CPLANE1: variants seen among roughly 807,000 people sequenced by gnomAD.
CPLANE1 encodes ciliogenesis and planar polarity effector 1.
In CPLANE1, 263 loss-of-function variants were observed where a neutral mutation model predicts 362.5. The ratio of observed to expected loss-of-function variants is 0.73; its 90% CI spans 0.66 to 0.80. The LOEUF is 0.80. Ranked by LOEUF, CPLANE1 falls within the 30% of genes least tolerant of loss-of-function variation. The pLI, the probability that CPLANE1 is intolerant of heterozygous loss-of-function variation, is 0.00. For synonymous variants in CPLANE1, 1,212 were observed against 1,302.6 expected, an observed-to-expected ratio of 0.93 and a Z score of 1.50; for missense variants, 3,461 against 3,793.4, an observed-to-expected ratio of 0.91 and a Z score of 2.30.
chr5:37,117,674 C>T (rs992589013), intron 50 of CPLANE1, among the ~76,000 whole-genome samples: 1 of 152,118 alleles, frequency 6.6e-6, no homozygotes, highest in East Asian at 1.9e-4. Flanking sequence ...CAGGAAAACA[C>T]ACAGATGATG....
chr5:37,088,023 C>T, the CPLANE1 span, among the ~76,000 whole-genome samples: 1 of 152,162 alleles, frequency 6.6e-6, no homozygotes, highest in Non-Finnish European at 1.5e-5. Flanking sequence ...AGGGAGGGGT[C>T]CTCATGCCAA....
At position 37,106,840 on chromosome 5, in the gene CPLANE1, T is replaced by C; in HGVS notation, c.*762A>G. 1 of 983,058 alleles carries C rather than the reference T, an allele frequency of 1.0e-6. No individual in the cohort carries two copies. The highest frequency in any genetic ancestry group is 4.7e-5 in the South Asian group (1 of 21,228). The allele number at this position is 983,058 out of a possible 1,614,324, so 60.9% of individuals were successfully genotyped here. A position where few individuals can be genotyped will look rare whatever the true frequency, so the allele number is the denominator to read the frequency against. ...TGAAGTAGTTGAAGGATACTGGTTC[T>C]TAGTCAATTCTCATAAAAATTATCT... On this transcript the variant is annotated 3_prime_UTR_variant, in exon 53 of 53. Transcript: ENST00000651892.
chr5:37,225,681 G>A lies in CPLANE1; in HGVS notation c.2291+623C>T, dbSNP rs1478423141. ...AGCCTGGCCAACATGGTGAAACCCC[G>A]TCTCTACTAAAAATACAAAAATTAG... On this transcript the variant is annotated intron_variant, in intron 12 of 52. Transcript: ENST00000651892. 2.6e-5 allele frequency among the ~76,000 whole-genome samples: 4 copies of A among 151,744 alleles called. No individual in the cohort carries two copies. In the East Asian group the frequency reaches 5.8e-4, roughly 22 times the overall value.
intron 42 of CPLANE1, 98 bp downstream of exon 42, chr5:37,153,642 T>C: frequency 8.0e-7 from 1 of 1,255,560 alleles, no homozygotes; most frequent in Non-Finnish European, 1.1e-6. Context: ...GAAAACAAAG[T>C]TCTCATTATT....
intron 46 of CPLANE1, among the ~76,000 whole-genome samples, chr5:37,137,711 C>T (rs1184586483): frequency 1.3e-5 from 2 of 152,098 alleles, no homozygotes; most frequent in Non-Finnish European, 2.9e-5. Flanking sequence ...AGAATGAGTG[C>T]CCACTGAAGG....
intron 21 of CPLANE1, among the ~76,000 whole-genome samples, chr5:37,191,511 A>G (rs1785543622): frequency 6.6e-6 from 1 of 152,154 alleles, no homozygotes; most frequent in Non-Finnish European, 1.5e-5. Context: ...TCTCTACTAA[A>G]AATACAAAAA....
In CPLANE1 at chr5:37,187,797, C is replaced by G; in HGVS notation, c.3857G>C (p.Arg1286Pro). ...CCTGCAACTATAGGATAACTTATCA[C>G]GGACATGCAGCATCCAACACAGAGC... is the stretch of plus-strand genomic sequence containing the variant. ...LCALCWMLHVRDKLSYSCRQY... is the reference protein window; with the variant it reads ...LCALCWMLHVPDKLSYSCRQY... The change falls in exon 22 of 53, where the codon CGT becomes CCT. Residue 1286 changes from arginine (R) to proline (P), a missense_variant. This residue lies in a region of CPLANE1 where 3,380 missense variants were observed against 3,666.1 expected (regional missense o/e 0.92). Transcript: ENST00000651892. 1.9e-6 allele frequency: 3 copies of G among 1,613,834 alleles called. No individual in the cohort carries two copies. The highest frequency in any genetic ancestry group is 2.5e-6 in the Non-Finnish European group (3 of 1,179,854).
At chr5:37,112,280 C>T (rs1256803458) in intron 51 of CPLANE1, among the ~76,000 whole-genome samples, 1 of 152,208 alleles carries the variant, frequency 6.6e-6, no homozygotes, top group Non-Finnish European at 1.5e-5. Context: ...CCTTGAGAGG[C>T]TATCACTGGG....
chr5:37,204,771 A>T (rs1380078957), intron 18 of CPLANE1, among the ~76,000 whole-genome samples: 1 of 150,760 alleles, frequency 6.6e-6, no homozygotes, highest in Admixed American at 6.6e-5. Flanking sequence ...AAAGGCATGT[A>T]TGGAAAATCA....
At chr5:37,193,631 A>C (rs962452694) in intron 21 of CPLANE1, among the ~76,000 whole-genome samples, 1 of 152,154 alleles carries the variant, frequency 6.6e-6, no homozygotes, top group African/African-American at 2.4e-5. Flanking sequence ...CTCCAGCCTG[A>C]GTGACAGAAT....
intron 21 of CPLANE1, among the ~76,000 whole-genome samples, chr5:37,191,766 T>C (rs777390579): frequency 4.6e-5 from 7 of 152,216 alleles, no homozygotes; most frequent in Non-Finnish European, 8.8e-5. Context: ...CCCAGGACTT[T>C]GAAGTTGCAG....
chr5:37,233,199 T>C (rs766473944), intron 8 of CPLANE1, among the ~76,000 whole-genome samples: 7 of 152,152 alleles, frequency 4.6e-5, no homozygotes, highest in Non-Finnish European at 1.0e-4. Flanking sequence ...TCAGAAAGCC[T>C]AGATACCAGG....
intron 32 of CPLANE1, among the ~76,000 whole-genome samples, chr5:37,172,109 AAAT>A (rs1779972698): frequency 1.3e-5 from 2 of 152,104 alleles, no homozygotes; most frequent in African/African-American, 4.8e-5. Context: ...ACCTCTTATA[AAAT>A]TTAAAAATAT....
chr5:37,215,816 T>C (rs1793923472), intron 15 of CPLANE1, among the ~76,000 whole-genome samples: 1 of 144,472 alleles, frequency 6.9e-6, no homozygotes, highest in African/African-American at 2.6e-5. Flanking sequence ...AGCACTGATA[T>C]AAGATTTTTT....
At chr5:37,104,855 G>A (rs927883573), downstream of CPLANE1, among the ~76,000 whole-genome samples, 1 of 150,258 alleles carries the variant, frequency 6.7e-6, no homozygotes, top group East Asian at 2.0e-4. Flanking sequence ...CCCAGGAAGC[G>A]GAGGTTGCAG....
chr5:37,192,543 T>TC (rs1336227712), intron 21 of CPLANE1, among the ~76,000 whole-genome samples: 1 of 152,102 alleles, frequency 6.6e-6, no homozygotes, highest in African/African-American at 2.4e-5. Flanking sequence ...ATTTTGTCAG[T>TC]CATGATAATA....
At chr5:37,091,938 C>CA in the CPLANE1 span, among the ~76,000 whole-genome samples, 2 of 152,152 alleles carry the variant, frequency 1.3e-5, no homozygotes, top group African/African-American at 4.8e-5. Context: ...CTGAAGAGGA[C>CA]AACTCAGGAG....
chr5:37,118,152 T>G (rs1761569378), intron 50 of CPLANE1, among the ~76,000 whole-genome samples: 2 of 152,052 alleles, frequency 1.3e-5, no homozygotes, highest in African/African-American at 4.8e-5. Flanking sequence ...CCCGGCACTT[T>G]GGGAGGCTGA....
chr5:37,211,895 C>T (rs1201719375), intron 16 of CPLANE1: 9 of 788,260 alleles, frequency 1.1e-5, no homozygotes, highest in Non-Finnish European at 2.1e-5. Context: ...TGGATGGGCC[C>T]TCTCCTGCCG....
Sources: allele counts gnomAD v4.1 joint callset (sites outside exome capture counted in the v4.1 genomes callset), GRCh38; gene constraint gnomAD v4.1.1; regional missense constraint gnomAD v4.1.1; transcripts MANE v1.5; gene names NCBI Gene and HGNC (gene_info 2026-07-23, HGNC 2026-07-21).